SLC17A1: variants seen among roughly 807,000 people sequenced by gnomAD.
The protein encoded by SLC17A1 is solute carrier family 17 member 1.
SLC17A1 carries 51 observed loss-of-function variants against 53.5 expected under a neutral mutation model. That is an observed-to-expected ratio of 0.95 (90% CI 0.76 to 1.20). SLC17A1 has a LOEUF of 1.20. SLC17A1 is among the 50% of genes most tolerant of loss of function. The probability of loss-of-function intolerance (pLI) is 0.00; values close to 1 mark genes in which losing one functional copy is unlikely to be tolerated. For synonymous variants in SLC17A1, 179 were observed against 198.8 expected, an observed-to-expected ratio of 0.90 and a Z score of 0.84; for missense variants, 538 against 568.2, an observed-to-expected ratio of 0.95 and a Z score of 0.54.
intron 6 of SLC17A1, among the ~76,000 whole-genome samples, chr6:25,813,494 T>C (rs1764233657): frequency 6.6e-6 from 1 of 152,206 alleles, no homozygotes; most frequent in South Asian, 2.1e-4. Flanking sequence ...TCTTTTCAAA[T>C]TCCTCATGTG....
At chr6:25,820,465 A>G (rs182141345) in intron 3 of SLC17A1, among the ~76,000 whole-genome samples, 16 of 152,332 alleles carry the variant, frequency 1.1e-4, no homozygotes, top group Middle Eastern at 6.8e-3. Flanking sequence ...GCACAGAACA[A>G]TAAAAAGAAA....
rs368345709 is a variant in SLC17A1, at chr6:25,813,006, C to G, written c.736-14G>C. ...ACTTGAACTGACCTGGAGAGAAATT[C>G]ATTAAGAATTAGCACATTAGAACAA... On this transcript the variant is annotated splice_polypyrimidine_tract_variant and intron_variant, in intron 7 of 12. Transcript: ENST00000244527. The G allele has an allele frequency of 1.9e-6, 3 of 1,613,498 alleles. No individual in the cohort carries two copies. In the African/African-American group the frequency reaches 4.0e-5, roughly 22 times the overall value.
the SLC17A1 span, chr6:25,770,599 C>T: frequency 1.2e-6 from 1 of 821,404 alleles, no homozygotes; most frequent in South Asian, 1.5e-5. Flanking sequence ...AAGCACTACC[C>T]CATACTGCCT....
At chr6:25,810,209 T>A (rs1205248633) in intron 10 of SLC17A1, among the ~76,000 whole-genome samples, 2 of 152,088 alleles carry the variant, frequency 1.3e-5, no homozygotes, top group East Asian at 1.9e-4. Context: ...GGGCAATGAT[T>A]TTTTTGGTTA....
chr6:25,814,711 T>C (rs9467615), intron 6 of SLC17A1, among the ~76,000 whole-genome samples: 42,313 of 152,022 alleles, frequency 0.28, 6,384 homozygotes, highest in African/African-American at 0.4. Context: ...GGGCTGGGCA[T>C]GGTGGCTCAC....
intron 12 of SLC17A1, among the ~76,000 whole-genome samples, chr6:25,795,504 A>G (rs1287962555): frequency 2.6e-5 from 4 of 152,166 alleles, no homozygotes; most frequent in Non-Finnish European, 5.9e-5. Context: ...AGGACCAAAA[A>G]GATAAGGAGG....
the SLC17A1 span, chr6:25,773,264 C>T: frequency 6.2e-7 from 1 of 1,607,198 alleles, no homozygotes; most frequent in Non-Finnish European, 8.5e-7. Flanking sequence ...AACTGGATCC[C>T]CTTTTCCTAG....
chr6:25,799,059 G>T, intron 11 of SLC17A1, 140 bp from the exon 12 acceptor site: 1 of 643,282 alleles, frequency 1.6e-6, no homozygotes, highest in Non-Finnish European at 2.4e-6. Flanking sequence ...AGCCGAAAAC[G>T]TCATCATTTT....
chr6:25,773,227 A>G, the SLC17A1 span: 1 of 1,424,058 alleles, frequency 7.0e-7, no homozygotes, highest in Admixed American at 1.7e-5. Flanking sequence ...GTCAAACTGA[A>G]AGAAGTACTT....
At chr6:25,737,824 A>G in the SLC17A1 span, among the ~76,000 whole-genome samples, 2 of 152,208 alleles carry the variant, frequency 1.3e-5, no homozygotes, top group African/African-American at 4.8e-5. Context: ...TAAGTCCTAC[A>G]TTATATAAAT....
chr6:25,815,151 A>G (rs531789069), intron 6 of SLC17A1, among the ~76,000 whole-genome samples: 4 of 151,546 alleles, frequency 2.6e-5, no homozygotes, highest in Non-Finnish European at 5.9e-5. Context: ...GAAAGAAAGA[A>G]ATAGAGAAAG....
the SLC17A1 span, among the ~76,000 whole-genome samples, chr6:25,735,116 G>T: frequency 6.6e-6 from 1 of 152,190 alleles, no homozygotes; most frequent in Admixed American, 6.5e-5. Flanking sequence ...ATCATCCTTA[G>T]TTCATGCAGA....
In SLC17A1 at chr6:25,811,285, G is replaced by A. The variant is rs1237960832; in HGVS notation, c.1178+113C>T. On this transcript the variant is annotated intron_variant, in intron 10 of 12. Transcript: ENST00000244527. ...AGGTAATGCATATGTTACTTTGCTC[G>A]ATTTTAGCCATTCCACAAAGTATCC... 9.2e-6 allele frequency: 11 copies of A among 1,201,138 alleles called. No homozygotes were observed. In the East Asian group the frequency reaches 9.6e-5, roughly 10 times the overall value. The allele number at this position is 1,201,138 out of a possible 1,614,324, so 74.4% of individuals were successfully genotyped here. A position where few individuals can be genotyped will look rare whatever the true frequency, so the allele number is the denominator to read the frequency against.
At chr6:25,725,571 C>T in the SLC17A1 span, among the ~76,000 whole-genome samples, 5 of 152,148 alleles carry the variant, frequency 3.3e-5, no homozygotes, top group African/African-American at 1.2e-4. Flanking sequence ...TTTTCACTTC[C>T]ATGTGTAACC....
At chr6:25,779,139 G>A (rs369079605), downstream of SLC17A1, 24 of 1,613,704 alleles carry the variant, frequency 1.5e-5, no homozygotes, top group Admixed American at 3.3e-5. Flanking sequence ...ATCTTTGGCC[G>A]AGCAGATGTG....
chr6:25,820,607 G>A (rs989216050), intron 3 of SLC17A1, among the ~76,000 whole-genome samples: 17 of 152,090 alleles, frequency 1.1e-4, no homozygotes, highest in Admixed American at 3.9e-4. Context: ...ATGGCCGGGC[G>A]CGGTGGCTCA....
rs943352517 is a variant in SLC17A1, at chr6:25,812,072, G to A, written c.898-302C>T. 2.4e-4 allele frequency among the ~76,000 whole-genome samples: 37 copies of A among 152,252 alleles called. 1 individual carries two copies. The highest frequency in any genetic ancestry group is 4.1e-4 in the Non-Finnish European group (28 of 68,006). On this transcript the variant is annotated intron_variant, in intron 8 of 12. Coordinates refer to ENST00000244527, the MANE Select transcript of SLC17A1 (RefSeq NM_005074.5). The stretch of plus-strand genomic sequence containing the variant: ...GGGAATAGGAAATACCGGCCCTGGG[G>A]AAAATGATAGGATAAAGATGACAAT...
At chr6:25,807,154 C>T (rs1561832310) in intron 10 of SLC17A1, among the ~76,000 whole-genome samples, 1 of 152,016 alleles carries the variant, frequency 6.6e-6, no homozygotes, top group Non-Finnish European at 1.5e-5. Context: ...ATCTACCATT[C>T]GATCCAGAAA....
At chr6:25,784,572 A>C (rs35720558) in intron 12 of SLC17A1, among the ~76,000 whole-genome samples, 48,526 of 152,082 alleles carry the variant, frequency 0.32, 9,522 homozygotes, top group South Asian at 0.45. Context: ...GACAGCACCA[A>C]GCTGTCATGA....
Sources: gnomAD v4.1 joint callset for allele counts (sites outside exome capture counted in the v4.1 genomes callset) on GRCh38, gnomAD v4.1.1 for gene constraint, MANE v1.5 for transcripts, NCBI Gene and HGNC (gene_info 2026-07-23, HGNC 2026-07-21) for gene names.